Variants in MAST4 observed in about 807,000 individuals in gnomAD.
MAST4 encodes microtubule-associated serine/threonine-protein kinase 4.
Under a neutral mutation model 162.7 loss-of-function variants are expected in MAST4, and 89 were observed. The observed-to-expected ratio is 0.55, with a 90% CI of 0.46 to 0.65. The LOEUF (loss-of-function observed/expected upper bound fraction) is 0.65, where lower values mean the gene tolerates loss of function less well. MAST4 is among the 30% of genes least tolerant of loss of function. The pLI, the probability that MAST4 is intolerant of heterozygous loss-of-function variation, is 0.00. For missense variants in MAST4, 3,153 were observed against 3,374.0 expected, an observed-to-expected ratio of 0.93 and a Z score of 1.62; for synonymous variants, 1,479 against 1,361.1, an observed-to-expected ratio of 1.09 and a Z score of -1.91.
At chr5:66,818,097 TATAC>T (rs1329542031) in intron 3 of MAST4, among the ~76,000 whole-genome samples, 1 of 152,238 alleles carries the variant, frequency 6.6e-6, no homozygotes, top group Non-Finnish European at 1.5e-5. Context: ...CCAGGTCCTG[TATAC>T]ATAAGAGTGC....
chr5:66,636,562 C>T (rs1440484291), intron 1 of MAST4, among the ~76,000 whole-genome samples: 2 of 152,114 alleles, frequency 1.3e-5, no homozygotes, highest in Non-Finnish European at 2.9e-5. Context: ...TCTGCCTAAT[C>T]TAGATGCAGA....
intron 4 of MAST4, chr5:66,916,833 A>G: frequency 1.7e-6 from 1 of 580,656 alleles, no homozygotes; most frequent in Non-Finnish European, 3.1e-6. Context: ...TACATTATAG[A>G]TATACCACAT....
intron 4 of MAST4, among the ~76,000 whole-genome samples, chr5:67,050,060 A>G (rs1757978595): frequency 6.6e-6 from 1 of 152,152 alleles, no homozygotes; most frequent in Admixed American, 6.5e-5. Flanking sequence ...CCAAAAATAC[A>G]TACACCTCCT....
At chr5:66,765,123 C>T (rs1253768661) in intron 2 of MAST4, among the ~76,000 whole-genome samples, 1 of 152,112 alleles carries the variant, frequency 6.6e-6, no homozygotes, top group African/African-American at 2.4e-5. Flanking sequence ...GCTATATACC[C>T]TGTAGTTTGG....
At chr5:66,679,562 C>T (rs1051842482) in intron 1 of MAST4, among the ~76,000 whole-genome samples, 4 of 152,144 alleles carry the variant, frequency 2.6e-5, no homozygotes, top group African/African-American at 7.2e-5. Flanking sequence ...TTCCCTTCTT[C>T]ATTTGTATAC....
intron 6 of MAST4, among the ~76,000 whole-genome samples, chr5:67,090,534 C>T (rs889401851): frequency 6.9e-6 from 1 of 145,282 alleles, no homozygotes; most frequent in East Asian, 2.0e-4. Context: ...TCCAAAGCCC[C>T]ACTGGCCAAA....
intron 1 of MAST4, among the ~76,000 whole-genome samples, chr5:66,681,254 G>A (rs1748310868): frequency 1.3e-5 from 2 of 152,168 alleles, no homozygotes. Flanking sequence ...AAAAGACCCA[G>A]AAATATTAAA....
intron 4 of MAST4, among the ~76,000 whole-genome samples, chr5:66,935,602 C>T (rs960230385): frequency 6.6e-6 from 1 of 152,048 alleles, no homozygotes; most frequent in Non-Finnish European, 1.5e-5. Flanking sequence ...CTGCATTTGC[C>T]ACCATTGTTC....
chr5:67,098,757 G>A (rs1329673586), intron 7 of MAST4, among the ~76,000 whole-genome samples: 1 of 152,096 alleles, frequency 6.6e-6, no homozygotes. Flanking sequence ...TACTGTTCCT[G>A]TGCAAGTACA....
At chr5:66,889,702 A>T (rs140662855) in intron 3 of MAST4, among the ~76,000 whole-genome samples, 103 of 152,318 alleles carry the variant, frequency 6.8e-4, no homozygotes, top group African/African-American at 2.4e-3. Flanking sequence ...TCCTTCTTCT[A>T]ATTCAAGCAG....
At chr5:66,784,800 C>T (rs1755036851) in intron 2 of MAST4, among the ~76,000 whole-genome samples, 1 of 152,166 alleles carries the variant, frequency 6.6e-6, no homozygotes, top group Non-Finnish European at 1.5e-5. Context: ...GGTGGAGTGA[C>T]TAAGTGTATT....
intron 4 of MAST4, among the ~76,000 whole-genome samples, chr5:67,025,837 C>T (rs1438113421): frequency 6.6e-6 from 1 of 152,150 alleles, no homozygotes; most frequent in Non-Finnish European, 1.5e-5. Context: ...CCCCAAGGCC[C>T]GGACATGTGG....
At chr5:66,746,721 T>G (rs888823793) in intron 1 of MAST4, among the ~76,000 whole-genome samples, 144 of 152,292 alleles carry the variant, frequency 9.5e-4, no homozygotes, top group Non-Finnish European at 2.8e-4. Context: ...ATTTAATGAC[T>G]TCAGATAGGT....
At chr5:66,811,495 C>T (rs1294634748) in intron 3 of MAST4, among the ~76,000 whole-genome samples, 3 of 152,162 alleles carry the variant, frequency 2.0e-5, no homozygotes. Flanking sequence ...TCTACCCAGC[C>T]CCCTTCTTTG....
intron 5 of MAST4, among the ~76,000 whole-genome samples, chr5:67,056,370 G>T (rs907100653): frequency 1.2e-4 from 18 of 152,192 alleles, no homozygotes. Flanking sequence ...AGCACAGTGC[G>T]CAGCAGTGTA....
At chr5:67,054,346 T>G in intron 4 of MAST4, 58 bp from the exon 5 acceptor site, 1 of 1,434,576 alleles carries the variant, frequency 7.0e-7, no homozygotes. Flanking sequence ...GGGAACATGG[T>G]TGAACATTAT....
At chr5:66,910,884 A>T (rs1277098510) in intron 4 of MAST4, among the ~76,000 whole-genome samples, 2 of 151,682 alleles carry the variant, frequency 1.3e-5, no homozygotes, top group Non-Finnish European at 1.5e-5. Context: ...AGTAGCTGGG[A>T]CTACAGGCGC....
intron 4 of MAST4, among the ~76,000 whole-genome samples, chr5:67,010,381 A>G (rs1238231902): frequency 1.3e-5 from 2 of 152,174 alleles, no homozygotes; most frequent in African/African-American, 4.8e-5. Flanking sequence ...TCTTTCGAGA[A>G]GGTAATATTT....
intron 3 of MAST4, among the ~76,000 whole-genome samples, chr5:66,831,989 C>T (rs1190942122): frequency 6.6e-6 from 1 of 152,126 alleles, no homozygotes; most frequent in Non-Finnish European, 1.5e-5. Context: ...TCAGTGATTT[C>T]TGTTATATGT....
Sources: gnomAD v4.1 joint callset for allele counts (sites outside exome capture counted in the v4.1 genomes callset) on GRCh38, gnomAD v4.1.1 for gene constraint, MANE v1.5 for transcripts, NCBI Gene and HGNC (gene_info 2026-07-23, HGNC 2026-07-21) for gene names.